The following NAV3 variants were observed in gnomAD, a reference collection of about 807,000 sequenced individuals.
NAV3 encodes the protein pore membrane and/or filament interacting like protein 1.
In NAV3, 87 loss-of-function variants were observed where a neutral mutation model predicts 244.7. That is an observed-to-expected ratio of 0.36 (90% CI 0.30 to 0.42). NAV3 has a LOEUF of 0.42. Among genes scored for constraint, NAV3 ranks in the 20% least tolerant of loss-of-function variants. The pLI is 1.00. For synonymous variants in NAV3, 1,126 were observed against 1,042.2 expected (o/e 1.08, Z -1.55); for missense variants, 2,663 against 2,893.3 (o/e 0.92, Z 1.83).
At chr12:77,988,154 G>C (rs1358514439) in intron 5 of NAV3, among the ~76,000 whole-genome samples, 1 of 152,084 alleles carries the variant, frequency 6.6e-6, no homozygotes, top group African/African-American at 2.4e-5. Context: ...TTATGCATAG[G>C]AATCACCTGC....
chr12:77,869,295 A>G (rs1195324903), intron 1 of NAV3, among the ~76,000 whole-genome samples: 1 of 152,164 alleles, frequency 6.6e-6, no homozygotes, highest in African/African-American at 2.4e-5. Context: ...TAGTAAGTAA[A>G]TATTCTATTG....
At chr12:78,066,426 C>T (rs569311699) in intron 12 of NAV3, among the ~76,000 whole-genome samples, 4 of 152,136 alleles carry the variant, frequency 2.6e-5, no homozygotes, top group South Asian at 4.1e-4. Flanking sequence ...AATTAGGTTA[C>T]GTAGATGATT....
At chr12:77,825,716 G>A (rs1444240561) in intron 2 of NAV3, among the ~76,000 whole-genome samples, 1 of 152,072 alleles carries the variant, frequency 6.6e-6, no homozygotes, top group Non-Finnish European at 1.5e-5. Flanking sequence ...AAAAGTTTGA[G>A]AGATATATGG....
chr12:77,607,865 G>GTAAATAATA (rs1870740582), intron 2 of NAV3, among the ~76,000 whole-genome samples: 1 of 152,076 alleles, frequency 6.6e-6, no homozygotes, highest in Admixed American at 6.6e-5. Flanking sequence ...ATTAGCCCCA[G>GTAAATAATA]CATTTTGTAA....
intron 2 of NAV3, among the ~76,000 whole-genome samples, chr12:77,629,356 G>A (rs1420402815): frequency 5.3e-5 from 8 of 152,196 alleles, no homozygotes; most frequent in African/African-American, 4.8e-5. Flanking sequence ...AAACAGAGCA[G>A]AAAATAATGT....
chr12:78,116,900 C>A lies in NAV3; in HGVS notation c.2765C>A (p.Thr922Asn), dbSNP rs1292585776. ...ATCACCGTCCCCTCTAGGAAGAATA[C>A]TCAGGTGAGAATTACCACCTTTCTT... The part of the protein sequence containing the change: ...SNITVPSRKN[T>N]QLRTDSEKRS... The change falls in exon 13 of 40, where the codon ACT (threonine) becomes AAT (asparagine). Residue 922 changes from threonine to asparagine, a missense_variant. By Grantham distance (65) the Thr-to-Asn change is moderately conservative. This residue lies in a region of NAV3 where 1,521 missense variants were observed against 1,497.0 expected (regional missense o/e 1.02). Coordinates refer to ENST00000397909, the MANE Select transcript of NAV3 (RefSeq NM_001024383.2). 6.8e-6 allele frequency: 11 copies of A among 1,610,326 alleles called. No homozygotes were observed. Among genetic ancestry groups the A allele is most frequent in the Non-Finnish European group, 8.5e-6 (10 of 1,177,750 alleles).
chr12:77,711,748 A>G (rs1394053970), intron 2 of NAV3, among the ~76,000 whole-genome samples: 1 of 152,170 alleles, frequency 6.6e-6, no homozygotes, highest in Non-Finnish European at 1.5e-5. Context: ...CTGGTATCCC[A>G]CTAGGAACTA....
chr12:77,649,607 G>T (rs1439133761), intron 2 of NAV3, among the ~76,000 whole-genome samples: 1 of 152,006 alleles, frequency 6.6e-6, no homozygotes, highest in African/African-American at 2.4e-5. Flanking sequence ...TAAAATAAAA[G>T]AATGAAATTC....
At chr12:77,804,441 T>C (rs1565820300) in intron 2 of NAV3, among the ~76,000 whole-genome samples, 1 of 152,194 alleles carries the variant, frequency 6.6e-6, no homozygotes, top group Non-Finnish European at 1.5e-5. Context: ...ATTTCCCCAT[T>C]GCTTGTTTTT....
chr12:78,157,722 C>A (rs1957363875), intron 22 of NAV3, among the ~76,000 whole-genome samples: 1 of 151,138 alleles, frequency 6.6e-6, no homozygotes. Context: ...CCAATTAAAT[C>A]TGCTAACAAA....
At chr12:77,976,666 C>CTTTTTTT (rs1295751885) in intron 5 of NAV3, among the ~76,000 whole-genome samples, 13 of 58,048 alleles carry the variant, frequency 2.2e-4, no homozygotes, top group Admixed American at 9.9e-4. Flanking sequence ...TTCTTTCTTT[C>CTTTTTTT]TTTTTTTCTT....
intron 9 of NAV3, among the ~76,000 whole-genome samples, chr12:78,038,144 A>ATT (rs1426887761): frequency 5.3e-5 from 8 of 152,214 alleles, no homozygotes; most frequent in Non-Finnish European, 1.0e-4. Context: ...ATAGTTTGTG[A>ATT]CTAAACTTTA....
chr12:77,626,337 A>G (rs1317827248), intron 2 of NAV3, among the ~76,000 whole-genome samples: 1 of 152,190 alleles, frequency 6.6e-6, no homozygotes, highest in Non-Finnish European at 1.5e-5. Flanking sequence ...GACCAATTAT[A>G]TGAATTTTGG....
chr12:78,067,256 T>C (rs1214294714), intron 12 of NAV3, among the ~76,000 whole-genome samples: 1 of 152,050 alleles, frequency 6.6e-6, no homozygotes, highest in Non-Finnish European at 1.5e-5. Context: ...TGGCTCTCCA[T>C]AGTAATTAAA....
chr12:77,745,632 G>C (rs944765896), intron 2 of NAV3, among the ~76,000 whole-genome samples: 1 of 151,976 alleles, frequency 6.6e-6, no homozygotes, highest in African/African-American at 2.4e-5. Flanking sequence ...TCTTGGGAGG[G>C]AAGGAAAACT....
At chr12:78,014,904 T>G (rs1593281922) in intron 8 of NAV3, among the ~76,000 whole-genome samples, 1 of 152,194 alleles carries the variant, frequency 6.6e-6, no homozygotes, top group East Asian at 1.9e-4. Flanking sequence ...ATTGAATGCT[T>G]GGCTTGCAAG....
chr12:78,200,879 T>C (rs1959598020), intron 38 of NAV3, among the ~76,000 whole-genome samples: 1 of 151,996 alleles, frequency 6.6e-6, no homozygotes, highest in Admixed American at 6.6e-5. Flanking sequence ...AGCTAGTTAA[T>C]TGCACAGTTC....
chr12:77,712,422 T>C (rs912852734), intron 2 of NAV3, among the ~76,000 whole-genome samples: 5 of 152,296 alleles, frequency 3.3e-5, no homozygotes, highest in East Asian at 1.9e-4. Context: ...GTGAAATCTA[T>C]TGGAGACCCT....
At chr12:77,632,174 A>G (rs1204739279) in intron 2 of NAV3, among the ~76,000 whole-genome samples, 3 of 152,172 alleles carry the variant, frequency 2.0e-5, no homozygotes, top group Admixed American at 6.5e-5. Flanking sequence ...TCTAGCTACA[A>G]TCAGAATGGT....
Sources: gnomAD v4.1 joint callset for allele counts (sites outside exome capture counted in the v4.1 genomes callset) on GRCh38, gnomAD v4.1.1 for gene constraint, gnomAD v4.1.1 regional missense constraint, MANE v1.5 for transcripts, NCBI Gene and HGNC (gene_info 2026-07-23, HGNC 2026-07-21) for gene names.